The following KLHL5 variants were observed in gnomAD, a reference collection of about 807,000 sequenced individuals.
The protein encoded by KLHL5 is kelch like family member 5, also known as kelch-like protein 5.
KLHL5 carries 48 observed loss-of-function variants against 77.7 expected under a neutral mutation model. That is an observed-to-expected ratio of 0.62 (90% CI 0.49 to 0.79). KLHL5 has a LOEUF of 0.79. Among genes scored for constraint, KLHL5 ranks in the 30% least tolerant of loss-of-function variants. The probability of loss-of-function intolerance (pLI) is 0.00; values close to 1 mark genes in which losing one functional copy is unlikely to be tolerated. For synonymous variants in KLHL5, 260 were observed against 297.0 expected, an observed-to-expected ratio of 0.88 and a Z score of 1.28; for missense variants, 723 against 859.7, an observed-to-expected ratio of 0.84 and a Z score of 1.99.
In KLHL5 at chr4:39,115,220, G is replaced by A. The variant is rs1722747717; in HGVS notation, c.1963G>A (p.Val655Met). The part of the protein sequence containing the change: ...VASMSISRDA[V>M]GVCLLGDKLY... Reference sequence around the variant, plus strand: ...ATCCATGAGCATCAGCAGAGATGCAGTGGGGGTCTGTTTACTTGGTGATAA... The same window carrying A: ...ATCCATGAGCATCAGCAGAGATGCAATGGGGGTCTGTTTACTTGGTGATAA... The change falls in exon 10 of 11, where the codon GTG becomes ATG. Residue 655 changes from valine to methionine, a missense_variant. Transcript: ENST00000504108. 2 of 1,614,014 alleles carry A rather than the reference G, an allele frequency of 1.2e-6. No homozygotes were observed. Among genetic ancestry groups the A allele is most frequent in the East Asian group, 2.2e-5 (1 of 44,872 alleles).
At chr4:39,117,567 C>T (rs1722929481) in intron 10 of KLHL5, among the ~76,000 whole-genome samples, 1 of 152,092 alleles carries the variant, frequency 6.6e-6, no homozygotes, top group African/African-American at 2.4e-5. Flanking sequence ...TCTTTATATA[C>T]ACACACTTAC....
At chr4:39,062,103 A>T, upstream of KLHL5, 1 of 338,726 alleles carries the variant, frequency 3.0e-6, no homozygotes, top group Non-Finnish European at 4.2e-6. Context: ...TCACTTAGGG[A>T]CTTAGTTTAG....
upstream of KLHL5, among the ~76,000 whole-genome samples, chr4:39,058,766 T>C (rs1242344443): frequency 6.6e-6 from 1 of 152,186 alleles, no homozygotes. Context: ...CTTATAATTG[T>C]TGAATAATTT....
Position 39,086,676 on chromosome 4 carries a change from A to G in KLHL5, c.1062A>G (p.Lys354=). ...GTCATGATTTGGAACAGAGACGGAAAGATCTAAGTAAACTTTTGGCTTATA... is the reference window on the plus strand; with the variant it reads ...GTCATGATTTGGAACAGAGACGGAAGGATCTAAGTAAACTTTTGGCTTATA... ...WVRHDLEQRR[K]DLSKLLAYIR... is the part of the protein sequence containing the mutation. Residue 354 remains lysine (K), a synonymous_variant, in exon 5 of 11, where the codon AAA becomes AAG. Transcript: ENST00000504108. 1 of 1,614,030 alleles carries G rather than the reference A, an allele frequency of 6.2e-7. No homozygotes were observed. The highest frequency in any genetic ancestry group is 1.1e-5 in the South Asian group (1 of 91,084).
chr4:39,137,769 C>A, the KLHL5 span, among the ~76,000 whole-genome samples: 1 of 152,096 alleles, frequency 6.6e-6, no homozygotes, highest in Non-Finnish European at 1.5e-5. Flanking sequence ...GACATTGTGG[C>A]CCAGTTGGAT....
chr4:39,062,998 A>G lies in KLHL5; in HGVS notation c.346A>G (p.Ser116Gly). 6.2e-7 allele frequency: 1 copy of G among 1,613,326 alleles called. No individual in the cohort carries two copies. Among genetic ancestry groups the G allele is most frequent in the Non-Finnish European group, 8.5e-7 (1 of 1,179,742 alleles). ...LDRPEVDDGT[S>G]EEENESDSSS... ...TAGACCAGAAGTGGATGATGGCACTAGTGAAGAAGAAAATGAATCTGATTC... is the reference window on the plus strand; with the variant it reads ...TAGACCAGAAGTGGATGATGGCACTGGTGAAGAAGAAAATGAATCTGATTC... Residue 116 changes from serine (S) to glycine (G), a missense_variant, in exon 1 of 11, where the codon AGT becomes GGT. By Grantham distance (56) the Ser-to-Gly change is moderately conservative. Coordinates refer to ENST00000504108, the MANE Select transcript of KLHL5 (RefSeq NM_015990.5).
chr4:39,109,772 C>T (rs1234310359), intron 8 of KLHL5, among the ~76,000 whole-genome samples: 1 of 151,774 alleles, frequency 6.6e-6, no homozygotes, highest in Admixed American at 6.6e-5. Flanking sequence ...CTGCCTCAGC[C>T]TCCTGAGTTC....
At chr4:39,074,708 G>A (rs1370534241) in intron 1 of KLHL5, among the ~76,000 whole-genome samples, 3 of 152,100 alleles carry the variant, frequency 2.0e-5, no homozygotes, top group Non-Finnish European at 4.4e-5. Context: ...TACTTTAAAA[G>A]TAAGAAATAT....
rs552908342 is a variant in KLHL5, at chr4:39,062,246, A to C, written c.-407A>C. 2.4e-6 allele frequency: 3 copies of C among 1,263,560 alleles called. No homozygotes were observed. Among genetic ancestry groups the C allele is most frequent in the East Asian group, 7.5e-5 (2 of 26,754 alleles). 78.3% of individuals were successfully genotyped at this position (1,263,560 alleles called of 1,614,324 possible). ...GAGACTGAGATACTGCAACGGGGAT[A>C]GTGTTTTCTGTCTCTGTCATTTGTG... On this transcript the variant is annotated 5_prime_UTR_variant, in exon 1 of 11. Transcript: ENST00000504108.
intron 1 of KLHL5, among the ~76,000 whole-genome samples, chr4:39,066,918 T>A (rs1445372985): frequency 6.6e-6 from 1 of 152,228 alleles, no homozygotes; most frequent in Admixed American, 6.5e-5. Flanking sequence ...AAAGAAACTT[T>A]ATTTTTTTAG....
chr4:39,105,920 G>A (rs544601316), intron 7 of KLHL5, among the ~76,000 whole-genome samples: 1 of 151,964 alleles, frequency 6.6e-6, no homozygotes, highest in African/African-American at 2.4e-5. Flanking sequence ...TAATACAGGG[G>A]TTCTTTTGGC....
intron 9 of KLHL5, 23 bp from the exon 10 acceptor site, chr4:39,115,136 C>T (rs747949438): frequency 6.3e-7 from 1 of 1,588,292 alleles, no homozygotes; most frequent in Non-Finnish European, 8.5e-7. Flanking sequence ...AATGTCAGCT[C>T]CGGTTCTAAA....
chr4:39,049,676 G>A lies in KLHL5; in HGVS notation c.-95+4580G>A, dbSNP rs985908340. On this transcript the variant is annotated intron_variant, in intron 1 of 11. Transcript: ENST00000261425. ...ATCAGGCCACTGCCCTCCAACCTAC[G>A]GGACAGCAAGACCTTGTCTCAAAAA... Among the ~76,000 whole-genome samples, 6 of 150,050 alleles carry A rather than the reference G, an allele frequency of 4.0e-5. No individual in the cohort carries two copies. The East Asian group carries it at 5.9e-4, about 15-fold the overall frequency.
chr4:39,130,918 C>A (rs951286748), downstream of KLHL5, among the ~76,000 whole-genome samples: 1 of 151,098 alleles, frequency 6.6e-6, no homozygotes, highest in African/African-American at 2.4e-5. Context: ...TCTCGGCTCA[C>A]GGCAACCTCC....
chr4:39,117,803 G>A (rs963014720), intron 10 of KLHL5, among the ~76,000 whole-genome samples: 4 of 152,262 alleles, frequency 2.6e-5, no homozygotes, highest in Admixed American at 6.5e-5. Flanking sequence ...GGCCAGGTAC[G>A]GTGGCTCACA....
chr4:39,112,690 T>G (rs1289056284), intron 8 of KLHL5: 1 of 257,962 alleles, frequency 3.9e-6, no homozygotes, highest in Admixed American at 5.0e-5. Context: ...TACACCATAT[T>G]TTGTCTATTC....
chr4:39,067,674 CTT>C (rs11356460), intron 1 of KLHL5, among the ~76,000 whole-genome samples: 426 of 132,706 alleles, frequency 3.2e-3, no homozygotes, highest in Middle Eastern at 3.9e-3. Context: ...ACCCATAACT[CTT>C]TTTTTTTTTT....
At chr4:39,058,458 T>A (rs1199654777), upstream of KLHL5, among the ~76,000 whole-genome samples, 1 of 151,964 alleles carries the variant, frequency 6.6e-6, no homozygotes, top group African/African-American at 2.4e-5. Flanking sequence ...AAACCCTGGC[T>A]CTACAAAAAT....
intron 1 of KLHL5, among the ~76,000 whole-genome samples, chr4:39,052,493 C>T (rs1427812436): frequency 6.6e-6 from 1 of 152,068 alleles, no homozygotes; most frequent in African/African-American, 2.4e-5. Context: ...CAGGCAAAGA[C>T]TACTAGATCA....
Sources: allele counts gnomAD v4.1 joint callset (sites outside exome capture counted in the v4.1 genomes callset), GRCh38; gene constraint gnomAD v4.1.1; transcripts MANE v1.5; gene names NCBI Gene and HGNC (gene_info 2026-07-23, HGNC 2026-07-21).